The following PTPRE variants were observed in gnomAD, a reference collection of about 807,000 sequenced individuals.
The protein encoded by PTPRE is receptor-type tyrosine-protein phosphatase epsilon.
PTPRE carries 51 observed loss-of-function variants against 102.0 expected under a neutral mutation model. The observed-to-expected ratio is 0.50, with a 90% confidence interval of 0.40 to 0.63. The LOEUF (loss-of-function observed/expected upper bound fraction) is 0.63. PTPRE is among the 30% of genes least tolerant of loss of function. The pLI, the probability that PTPRE is intolerant of heterozygous loss-of-function variation, is 0.00. For synonymous variants in PTPRE, 345 were observed against 348.2 expected (o/e 0.99, Z 0.10); for missense variants, 752 against 915.1 (o/e 0.82, Z 2.30).
chr10:127,916,211 T>A (rs1488700836), intron 1 of PTPRE, among the ~76,000 whole-genome samples: 1 of 151,996 alleles, frequency 6.6e-6, no homozygotes, highest in Admixed American at 6.6e-5. Flanking sequence ...CAAATAGTAA[T>A]CCCCACATGT....
At chr10:127,981,453 G>A (rs1851604863) in intron 1 of PTPRE, among the ~76,000 whole-genome samples, 1 of 152,094 alleles carries the variant, frequency 6.6e-6, no homozygotes, top group African/African-American at 2.4e-5. Flanking sequence ...TTAAACAAGT[G>A]AACTTTATCG....
rs78865421 is a variant in PTPRE at position 128,038,853 on chromosome 10, G to C, written c.-7-2022G>C. Reference sequence around the variant, plus strand: ...TGGGGACAGACCCGGGCTCCAGCTGGTGGACAGGCTTTGAATTCTGCAGGT... The same window carrying C: ...TGGGGACAGACCCGGGCTCCAGCTGCTGGACAGGCTTTGAATTCTGCAGGT... On this transcript the variant is annotated intron_variant, in intron 2 of 20. Coordinates refer to ENST00000254667, the MANE Select transcript of PTPRE (RefSeq NM_006504.6). Among the ~76,000 whole-genome samples, 1,934 of 152,284 alleles carry C rather than the reference G, an allele frequency of 0.013. 177 individuals carry two copies. The East Asian group carries it at 0.24, about 19-fold the overall frequency.
At chr10:128,011,614 G>A (rs1049956111) in intron 2 of PTPRE, among the ~76,000 whole-genome samples, 4 of 152,236 alleles carry the variant, frequency 2.6e-5, no homozygotes, top group African/African-American at 9.6e-5. Flanking sequence ...CCAAATTCAG[G>A]TGCTAAGTTG....
In PTPRE at chr10:127,920,174, C is replaced by T. The variant is rs541234521; in HGVS notation, c.-31+12865C>T. On this transcript the variant is annotated intron_variant, in intron 1 of 20. Coordinates refer to ENST00000254667, the MANE Select transcript of PTPRE (RefSeq NM_006504.6). The stretch of plus-strand genomic sequence containing the variant: ...GGGCTTAGCTAATGGTAAGAAAGTG[C>T]GTGGAGCCTGGGAAGCAATTGATAG... Among the ~76,000 whole-genome samples, 14 of 152,262 alleles carry T rather than the reference C, an allele frequency of 9.2e-5. No individual in the cohort carries two copies. The South Asian group carries it at 1.7e-3, about 18-fold the overall frequency.
At position 128,016,698 on chromosome 10, in the gene PTPRE, G is replaced by T. The variant is rs151011377; in HGVS notation, c.-7-24177G>T. Among the ~76,000 whole-genome samples the T allele has an allele frequency of 3.0e-3, 458 of 152,186 alleles. 5 individuals are homozygous for T. The highest frequency in any genetic ancestry group is 0.011 in the African/African-American group (442 of 41,514). ...AGGGGACCACAGGGACAGCCAGAAAGGTCTCATCCCACCAAATCACTGCCC... is the reference window on the plus strand; with the variant it reads ...AGGGGACCACAGGGACAGCCAGAAATGTCTCATCCCACCAAATCACTGCCC... On this transcript the variant is annotated intron_variant, in intron 2 of 20. Coordinates refer to ENST00000254667, the MANE Select transcript of PTPRE (RefSeq NM_006504.6).
intron 1 of PTPRE, among the ~76,000 whole-genome samples, chr10:127,960,666 G>A (rs1383992057): frequency 6.6e-6 from 1 of 152,180 alleles, no homozygotes; most frequent in Non-Finnish European, 1.5e-5. Flanking sequence ...ACTTGCCATA[G>A]CCCAGATCTT....
At position 127,972,541 on chromosome 10, in the gene PTPRE, G is replaced by T. The variant is rs189514839; in HGVS notation, c.-30-9733G>T. On this transcript the variant is annotated intron_variant, in intron 1 of 20. Transcript: ENST00000254667. Reference sequence around the variant, plus strand: ...CCCACGGCCAACCCCACGGTGCGAAGAGCAGCCTTTCTGTCCTTACCTGGG... The same window carrying T: ...CCCACGGCCAACCCCACGGTGCGAATAGCAGCCTTTCTGTCCTTACCTGGG... 3.2e-3 allele frequency among the ~76,000 whole-genome samples: 480 copies of T among 152,354 alleles called. 3 individuals carry two copies. The highest frequency in any genetic ancestry group is 0.01 in the African/African-American group (420 of 41,586).
At chr10:127,926,036 G>A (rs2135206936) in intron 1 of PTPRE, among the ~76,000 whole-genome samples, 1 of 152,316 alleles carries the variant, frequency 6.6e-6, no homozygotes, top group South Asian at 2.1e-4. Flanking sequence ...GAAGACCATA[G>A]CTAATCCTTT....
intron 11 of PTPRE, 104 bp downstream of exon 11, chr10:128,066,298 C>G (rs113451945): frequency 1.3e-4 from 197 of 1,527,448 alleles, no homozygotes; most frequent in Non-Finnish European, 1.7e-4. Context: ...GCTCCCAGCC[C>G]GGCACTGTCG....
At chr10:128,072,966 A>G (rs546653192) in intron 16 of PTPRE, among the ~76,000 whole-genome samples, 4 of 152,308 alleles carry the variant, frequency 2.6e-5, no homozygotes, top group African/African-American at 9.6e-5. Flanking sequence ...TCATATTGCC[A>G]TTTGCAGATG....
At chr10:127,988,140 C>G (rs1196925987) in intron 2 of PTPRE, among the ~76,000 whole-genome samples, 3 of 152,188 alleles carry the variant, frequency 2.0e-5, no homozygotes, top group African/African-American at 7.2e-5. Flanking sequence ...GATGAGGTCT[C>G]GTGCCAAATG....
chr10:128,052,529 A>G (rs1363929568), intron 6 of PTPRE, among the ~76,000 whole-genome samples: 1 of 152,132 alleles, frequency 6.6e-6, no homozygotes, highest in Non-Finnish European at 1.5e-5. Flanking sequence ...ATGAGGTTGG[A>G]TAACCTGGAC....
chr10:128,016,481 ATT>A (rs57308839), intron 2 of PTPRE, among the ~76,000 whole-genome samples: 3 of 145,186 alleles, frequency 2.1e-5, no homozygotes, highest in Admixed American at 6.9e-5. Flanking sequence ...TGCCTGGCCA[ATT>A]TTTTTTTTTT....
chr10:128,012,007 C>T (rs959295143), intron 2 of PTPRE, among the ~76,000 whole-genome samples: 26 of 152,202 alleles, frequency 1.7e-4, no homozygotes, highest in African/African-American at 5.3e-4. Flanking sequence ...GATAGACAGC[C>T]CAGGTGTGAA....
chr10:128,036,939 T>G (rs974876930), intron 2 of PTPRE, among the ~76,000 whole-genome samples: 3 of 152,238 alleles, frequency 2.0e-5, no homozygotes, highest in Non-Finnish European at 4.4e-5. Context: ...GGCTATCCTG[T>G]GTCAGGAGCT....
intron 7 of PTPRE, among the ~76,000 whole-genome samples, chr10:128,060,584 G>C (rs539868242): frequency 3.9e-5 from 6 of 152,260 alleles, no homozygotes; most frequent in African/African-American, 1.4e-4. Flanking sequence ...CCCAGTGCAG[G>C]GTTCATAAAA....
At chr10:128,009,286 CT>C (rs1290021551) in intron 2 of PTPRE, among the ~76,000 whole-genome samples, 1 of 152,186 alleles carries the variant, frequency 6.6e-6, no homozygotes, top group Non-Finnish European at 1.5e-5. Flanking sequence ...GTTTGGTTGC[CT>C]TTGAGCCAAC....
chr10:128,047,895 C>T lies in PTPRE; in HGVS notation c.283+58C>T. On this transcript the variant is annotated intron_variant, in intron 5 of 20. Transcript: ENST00000254667. The stretch of plus-strand genomic sequence containing the variant: ...GGAAAATGTGTTCTTTTTTAGCAGA[C>T]ACTGAGGTGCTTTCTGCCTTTAACG... The T allele has an allele frequency of 2.0e-6, 3 of 1,489,390 alleles. No individual in the cohort carries two copies. In the South Asian group the frequency reaches 4.0e-5, roughly 20 times the overall value. The allele number at this position is 1,489,390 out of a possible 1,614,324, so 92.3% of individuals were successfully genotyped here. A position where few individuals can be genotyped will look rare whatever the true frequency, so the allele number is the denominator to read the frequency against.
chr10:128,077,754 A>C lies in PTPRE; in HGVS notation c.1863A>C (p.Thr621=). 6.2e-7 allele frequency: 1 copy of C among 1,607,440 alleles called. No homozygotes were observed. The part of the protein sequence containing the change: ...IAAVQKQQQQ[T]GNHPITVHCS... The stretch of plus-strand genomic sequence containing the variant: ...CCGTGCAGAAGCAGCAGCAGCAGAC[A>C]GGCAACCACCCCATCACCGTGCACT... The change falls in exon 19 of 21, where the codon ACA becomes ACC. Residue 621 remains threonine, a synonymous_variant. Transcript: ENST00000254667.
Sources: allele counts gnomAD v4.1 joint callset (sites outside exome capture counted in the v4.1 genomes callset), GRCh38; gene constraint gnomAD v4.1.1; transcripts MANE v1.5; gene names NCBI Gene and HGNC (gene_info 2026-07-23, HGNC 2026-07-21).